DAD1: variants seen among roughly 807,000 people sequenced by gnomAD.
DAD1 encodes defender against cell death 1, also known as dolichyl-diphosphooligosaccharide--protein glycosyltransferase subunit DAD1.
DAD1 carries 4 observed loss-of-function variants against 9.0 expected under a neutral mutation model. That is an observed-to-expected ratio of 0.44 (90% CI 0.22 to 1.01). The LOEUF (loss-of-function observed/expected upper bound fraction) is 1.01. DAD1 is among the 50% of genes least tolerant of loss of function. DAD1 has a pLI of 0.24. For missense variants in DAD1, 119 were observed against 137.3 expected (o/e 0.87, Z 0.67); for synonymous variants, 60 against 62.5 (o/e 0.96, Z 0.19).
chr14:22,582,449 G>A (rs561505030), intron 1 of DAD1, among the ~76,000 whole-genome samples: 37 of 147,776 alleles, frequency 2.5e-4, no homozygotes, highest in African/African-American at 8.8e-4. Flanking sequence ...GCGTGAACCC[G>A]GGAGGCGGAG....
chr14:22,570,277 C>T (rs1422505630), intron 2 of DAD1, among the ~76,000 whole-genome samples: 2 of 152,092 alleles, frequency 1.3e-5, no homozygotes, highest in South Asian at 2.1e-4. Context: ...AGAAATCAAA[C>T]GGGAAACCTG....
chr14:22,583,497 G>T (rs1467055117), intron 1 of DAD1, among the ~76,000 whole-genome samples: 1 of 152,064 alleles, frequency 6.6e-6, no homozygotes, highest in Non-Finnish European at 1.5e-5. Flanking sequence ...ACCAAGAGTG[G>T]GTTAAGGAAT....
intron 1 of DAD1, among the ~76,000 whole-genome samples, chr14:22,580,858 G>A (rs1047294010): frequency 1.3e-5 from 2 of 152,016 alleles, no homozygotes; most frequent in Non-Finnish European, 2.9e-5. Flanking sequence ...GCCACCTCCA[G>A]ATGGAGAATT....
At chr14:22,587,474 A>G (rs1462135342) in intron 1 of DAD1, among the ~76,000 whole-genome samples, 2 of 152,284 alleles carry the variant, frequency 1.3e-5, no homozygotes, top group East Asian at 1.9e-4. Flanking sequence ...GCAAAGGGGT[A>G]GTGTATCTGG....
At chr14:22,575,889 C>T (rs559113834) in intron 1 of DAD1, among the ~76,000 whole-genome samples, 14 of 152,288 alleles carry the variant, frequency 9.2e-5, no homozygotes, top group Non-Finnish European at 1.6e-4. Flanking sequence ...CCAGCTGGAA[C>T]CTGGCAGGTA....
At chr14:22,571,625 C>CTT (rs869205395) in intron 2 of DAD1, among the ~76,000 whole-genome samples, 6,790 of 109,628 alleles carry the variant, frequency 0.062, 283 homozygotes, top group Middle Eastern at 0.1. Flanking sequence ...GCAAGGGGCT[C>CTT]TTTTTTTTTT....
At chr14:22,571,337 A>G (rs2037038406) in intron 2 of DAD1, among the ~76,000 whole-genome samples, 2 of 148,882 alleles carry the variant, frequency 1.3e-5, no homozygotes, top group South Asian at 4.2e-4. Flanking sequence ...AAAGAATTTC[A>G]CAAAGAAACA....
At chr14:22,588,156 T>C (rs2037166921) in intron 1 of DAD1, among the ~76,000 whole-genome samples, 1 of 152,214 alleles carries the variant, frequency 6.6e-6, no homozygotes, top group Non-Finnish European at 1.5e-5. Flanking sequence ...AAAATACAAC[T>C]GATGACCTGA....
At position 22,573,497 on chromosome 14, in the gene DAD1, C is replaced by A. The variant is rs542091829; in HGVS notation, c.*44+1562G>T. The stretch of plus-strand genomic sequence containing the variant: ...TGGGAGGCCAAGGCGGGCGGATCAC[C>A]AGGTCAGGAGATCGAGATCATCCTA... On this transcript the variant is annotated intron_variant, in intron 2 of 2. Transcript: ENST00000250498. Among the ~76,000 whole-genome samples the A allele has an allele frequency of 5.3e-5, 8 of 151,930 alleles. 1 individual carries two copies. The South Asian group carries it at 1.7e-3, about 32-fold the overall frequency.
chr14:22,584,144 CA>C (rs2037136604), intron 1 of DAD1, among the ~76,000 whole-genome samples: 1 of 152,090 alleles, frequency 6.6e-6, no homozygotes, highest in African/African-American at 2.4e-5. Flanking sequence ...GTGTGCTTCA[CA>C]GTTGAATTCC....
At chr14:22,572,409 T>C (rs761648406) in intron 2 of DAD1, among the ~76,000 whole-genome samples, 5 of 152,196 alleles carry the variant, frequency 3.3e-5, no homozygotes, top group Admixed American at 6.5e-5. Flanking sequence ...AGCAGGACAG[T>C]ATAGTATAAT....
At chr14:22,576,190 T>C (rs2037076746) in intron 1 of DAD1, among the ~76,000 whole-genome samples, 1 of 152,256 alleles carries the variant, frequency 6.6e-6, no homozygotes, top group South Asian at 2.1e-4. Context: ...TGTGACCTTC[T>C]ATTTAGGGAT....
chr14:22,583,862 A>C (rs1301738747), intron 1 of DAD1, among the ~76,000 whole-genome samples: 2 of 152,130 alleles, frequency 1.3e-5, no homozygotes, highest in African/African-American at 4.8e-5. Context: ...GAAAAGATGA[A>C]GGAATTCTTA....
intron 1 of DAD1, among the ~76,000 whole-genome samples, chr14:22,578,175 TGGTGGA>T (rs945485727): frequency 3.3e-5 from 5 of 150,790 alleles, no homozygotes; most frequent in African/African-American, 7.3e-5. Flanking sequence ...GCAGGAGAAT[TGGTGGA>T]GGTGGAGGTG....
At chr14:22,588,004 G>C (rs544795252) in intron 1 of DAD1, among the ~76,000 whole-genome samples, 9 of 152,274 alleles carry the variant, frequency 5.9e-5, no homozygotes, top group Admixed American at 2.6e-4. Flanking sequence ...CCAAAGTACT[G>C]GGATTACAGG....
At chr14:22,585,055 T>C (rs1441451206) in intron 1 of DAD1, among the ~76,000 whole-genome samples, 1 of 152,210 alleles carries the variant, frequency 6.6e-6, no homozygotes, top group African/African-American at 2.4e-5. Context: ...TTATGAGAGA[T>C]AATATTAGGA....
intron 1 of DAD1, among the ~76,000 whole-genome samples, chr14:22,580,731 A>G (rs2037110540): frequency 6.6e-6 from 1 of 152,192 alleles, no homozygotes; most frequent in African/African-American, 2.4e-5. Context: ...AAACACCAAC[A>G]CCCCATTTGA....
rs543319132 is a variant in DAD1 at position 22,581,400 on chromosome 14, G to A, written c.212-6167C>T. On this transcript the variant is annotated intron_variant, in intron 1 of 2. Coordinates refer to ENST00000250498, the MANE Select transcript of DAD1 (RefSeq NM_001344.4). The stretch of plus-strand genomic sequence containing the variant: ...TAAGGAACCAACCATGTAAAAATCT[G>A]GGGGCAGAGCATTCTAGACAGTAAG... Among the ~76,000 whole-genome samples, 10 of 152,278 alleles carry A rather than the reference G, an allele frequency of 6.6e-5. No individual in the cohort carries two copies. In the South Asian group the frequency reaches 2.1e-3, roughly 32 times the overall value.
At chr14:22,579,840 CTTT>C (rs34081969) in intron 1 of DAD1, among the ~76,000 whole-genome samples, 6 of 129,228 alleles carry the variant, frequency 4.6e-5, no homozygotes, top group Admixed American at 1.6e-4. Flanking sequence ...AAAGCCAATC[CTTT>C]TTTTTTTTTT....
Sources: gnomAD v4.1 joint callset for allele counts (sites outside exome capture counted in the v4.1 genomes callset) on GRCh38, gnomAD v4.1.1 for gene constraint, MANE v1.5 for transcripts, NCBI Gene and HGNC (gene_info 2026-07-23, HGNC 2026-07-21) for gene names.